OPHN1: variants seen among roughly 807,000 people sequenced by gnomAD.
OPHN1 encodes oligophrenin 1.
OPHN1 carries 11 observed loss-of-function variants against 60.7 expected under a neutral mutation model. The observed-to-expected ratio is 0.18, with a 90% CI of 0.11 to 0.30. OPHN1 has a LOEUF of 0.30. Among genes scored for constraint, OPHN1 ranks in the 10% least tolerant of loss-of-function variants. OPHN1 has a pLI of 1.00. For synonymous variants in OPHN1, 226 were observed against 222.6 expected, an observed-to-expected ratio of 1.02 and a Z score of -0.14; for missense variants, 449 against 611.0, an observed-to-expected ratio of 0.73 and a Z score of 2.80.
At chrX:68,166,394 C>T (rs187549133) in intron 15 of OPHN1, among the ~76,000 whole-genome samples, 2 of 110,529 alleles carry the variant, frequency 1.8e-5, no homozygotes, top group Admixed American at 9.7e-5. Flanking sequence ...ATTAGCTGGG[C>T]GTGGTGGCGG....
intron 16 of OPHN1, among the ~76,000 whole-genome samples, chrX:68,115,670 G>C (rs1400231328): frequency 8.9e-6 from 1 of 112,109 alleles, no homozygotes; most frequent in Non-Finnish European, 1.9e-5. Flanking sequence ...GAGGGGGTAA[G>C]AGTTAGATTA....
At chrX:68,298,783 G>GT (rs1342233089) in intron 3 of OPHN1, among the ~76,000 whole-genome samples, 1 of 112,130 alleles carries the variant, frequency 8.9e-6, no homozygotes, top group African/African-American at 3.2e-5. Context: ...AAAAATCTCA[G>GT]TAGAAGTTTA....
chrX:68,168,838 C>T (rs2077373758), intron 15 of OPHN1, among the ~76,000 whole-genome samples: 1 of 111,432 alleles, frequency 9.0e-6, no homozygotes, highest in African/African-American at 3.3e-5. Context: ...ACCAATCCCA[C>T]AGAAATACAA....
At chrX:68,155,424 G>C (rs2077305082) in intron 15 of OPHN1, among the ~76,000 whole-genome samples, 1 of 111,540 alleles carries the variant, frequency 9.0e-6, no homozygotes, top group South Asian at 3.8e-4. Flanking sequence ...ATTGGATCAG[G>C]GGGCAGTTTC....
intron 23 of OPHN1, 103 bp from the exon 24 acceptor site, chrX:68,048,560 T>C: frequency 1.4e-6 from 1 of 694,226 alleles, no homozygotes; most frequent in Non-Finnish European, 2.3e-6. Flanking sequence ...AAAGAGGCCA[T>C]TTGAAAAATG....
At chrX:68,172,905 T>C (rs1019270583) in intron 15 of OPHN1, among the ~76,000 whole-genome samples, 1 of 111,095 alleles carries the variant, frequency 9.0e-6, no homozygotes, top group African/African-American at 3.3e-5. Context: ...GTTCTCTGTC[T>C]CCTCCCAATT....
chrX:68,370,423 C>T (rs1437085276), intron 2 of OPHN1, among the ~76,000 whole-genome samples: 3 of 108,730 alleles, frequency 2.8e-5, no homozygotes, highest in Non-Finnish European at 5.7e-5. Context: ...AGGAGAATTG[C>T]TTGAACCGGG....
At chrX:68,203,146 T>C (rs1187819016) in intron 10 of OPHN1, among the ~76,000 whole-genome samples, 1 of 110,777 alleles carries the variant, frequency 9.0e-6, no homozygotes, top group Non-Finnish European at 1.9e-5. Flanking sequence ...TCCCAGCTAC[T>C]TGGGAGGCTG....
At chrX:68,247,291 G>A (rs770268692) in intron 5 of OPHN1, among the ~76,000 whole-genome samples, 1 of 111,602 alleles carries the variant, frequency 9.0e-6, no homozygotes, top group Admixed American at 9.6e-5. Context: ...TACTGTCCTT[G>A]TAAATTTGTC....
intron 3 of OPHN1, among the ~76,000 whole-genome samples, chrX:68,294,974 C>T (rs1602304254): frequency 9.0e-6 from 1 of 111,687 alleles, no homozygotes. Flanking sequence ...TCATGAAAGA[C>T]GGGAGACACT....
rs190722209 is a variant in OPHN1 at position 68,064,788 on chromosome X, T to C, written c.1835-611A>G. Among the ~76,000 whole-genome samples the C allele has an allele frequency of 1.5e-4, 17 of 111,743 alleles. No individual in the cohort carries two copies. In the East Asian group the frequency reaches 3.9e-3, roughly 26 times the overall value. On this transcript the variant is annotated intron_variant, in intron 20 of 24. Coordinates refer to ENST00000355520, the MANE Select transcript of OPHN1 (RefSeq NM_002547.3). Reference sequence around the variant, plus strand: ...CTAGAAAAATTAACCCACACAAATATAGCAAAAATTTTGAAAACTAATTTT... The same window carrying C: ...CTAGAAAAATTAACCCACACAAATACAGCAAAAATTTTGAAAACTAATTTT...
intron 15 of OPHN1, among the ~76,000 whole-genome samples, chrX:68,140,757 T>C (rs2077239114): frequency 9.2e-6 from 1 of 108,524 alleles, no homozygotes; most frequent in African/African-American, 3.4e-5. Flanking sequence ...CTAGATCAGC[T>C]GGCAGGGAAA....
chrX:68,155,037 G>A (rs62607098), intron 15 of OPHN1, among the ~76,000 whole-genome samples: 5,430 of 110,188 alleles, frequency 0.049, 151 homozygotes, highest in Non-Finnish European at 0.072. Context: ...TATTAGACAA[G>A]CAAGATCAAG....
At position 68,327,551 on chromosome X, in the gene OPHN1, G is replaced by A. The variant is rs1409517040; in HGVS notation, c.155-28455C>T. ...AGATGGATTAAGGGCGGTGCAAGATGTGCTTTGTTGAACAGATGCTTGAGG... is the reference window on the plus strand; with the variant it reads ...AGATGGATTAAGGGCGGTGCAAGATATGCTTTGTTGAACAGATGCTTGAGG... On this transcript the variant is annotated intron_variant, in intron 2 of 24. Coordinates refer to ENST00000355520, the MANE Select transcript of OPHN1 (RefSeq NM_002547.3). 9.4e-5 allele frequency among the ~76,000 whole-genome samples: 4 copies of A among 42,569 alleles called. No homozygotes were observed. In the East Asian group the frequency reaches 2.5e-3, roughly 26 times the overall value. The allele number at this position is 42,569 out of a possible 115,157, so 37.0% of individuals were successfully genotyped here.
At chrX:68,315,219 C>G (rs1304929464) in intron 2 of OPHN1, among the ~76,000 whole-genome samples, 2 of 101,709 alleles carry the variant, frequency 2.0e-5, no homozygotes, top group African/African-American at 7.4e-5. Flanking sequence ...GAGACCCAGT[C>G]AGAAGACAGA....
intron 6 of OPHN1, among the ~76,000 whole-genome samples, chrX:68,227,516 C>T (rs1307932541): frequency 9.0e-6 from 1 of 111,159 alleles, no homozygotes; most frequent in Non-Finnish European, 1.9e-5. Flanking sequence ...GTAAAGCAGT[C>T]CTCAGCACAT....
chrX:68,159,463 T>C (rs1441172627), intron 15 of OPHN1, among the ~76,000 whole-genome samples: 3 of 111,976 alleles, frequency 2.7e-5, no homozygotes, highest in African/African-American at 6.5e-5. Context: ...TACTCAGGGA[T>C]AACAGCTGGG....
chrX:68,382,752 A>G (rs1242892950), intron 2 of OPHN1, among the ~76,000 whole-genome samples: 1 of 111,844 alleles, frequency 8.9e-6, no homozygotes, highest in Non-Finnish European at 1.9e-5. Context: ...GACACTATAA[A>G]TAGGTGAATT....
At chrX:68,381,193 T>C (rs2078594520) in intron 2 of OPHN1, among the ~76,000 whole-genome samples, 1 of 111,954 alleles carries the variant, frequency 8.9e-6, no homozygotes, top group Non-Finnish European at 1.9e-5. Context: ...CTGTCAGCTA[T>C]CTAAATGAAA....
Sources: gnomAD v4.1 joint callset for allele counts (sites outside exome capture counted in the v4.1 genomes callset) on GRCh38, gnomAD v4.1.1 for gene constraint, MANE v1.5 for transcripts, NCBI Gene and HGNC (gene_info 2026-07-23, HGNC 2026-07-21) for gene names.